Variants in CRACD observed in about 807,000 individuals in gnomAD.
CRACD encodes capping protein-inhibiting regulator of actin dynamics.
A neutral mutation model predicts 106.8 loss-of-function variants in CRACD; 56 were observed. That is an observed-to-expected ratio of 0.52 (90% confidence interval 0.42 to 0.66). The LOEUF is 0.66. CRACD is among the 30% of genes least tolerant of loss of function. CRACD has a pLI of 0.00. For synonymous variants in CRACD, 754 were observed against 670.8 expected (o/e 1.12, Z -1.92); for missense variants, 1,730 against 1,623.2 (o/e 1.07, Z -1.13).
chr4:56,204,392 G>A (rs531239687), intron 2 of CRACD, among the ~76,000 whole-genome samples: 29 of 152,308 alleles, frequency 1.9e-4, no homozygotes, highest in Admixed American at 1.7e-3. Context: ...AGGTCAAGGG[G>A]CCTGCATCTG....
chr4:56,095,682 T>G (rs1008351379), intron 1 of CRACD, among the ~76,000 whole-genome samples: 4 of 152,070 alleles, frequency 2.6e-5, no homozygotes, highest in Admixed American at 2.6e-4. Context: ...GTCCCTCATG[T>G]AAGGCCTTAT....
chr4:56,231,482 T>A (rs1739614256), intron 2 of CRACD, among the ~76,000 whole-genome samples: 1 of 152,206 alleles, frequency 6.6e-6, no homozygotes, highest in Non-Finnish European at 1.5e-5. Flanking sequence ...GCAGCTCCAC[T>A]CCTGTGAATA....
At chr4:56,084,674 A>G (rs1733155552) in intron 1 of CRACD, among the ~76,000 whole-genome samples, 1 of 152,210 alleles carries the variant, frequency 6.6e-6, no homozygotes, top group Admixed American at 6.5e-5. Context: ...AAAGACAGAT[A>G]AATTATCACT....
chr4:56,241,254 T>A (rs1740351488), intron 2 of CRACD, among the ~76,000 whole-genome samples: 1 of 152,042 alleles, frequency 6.6e-6, no homozygotes, highest in Admixed American at 6.5e-5. Flanking sequence ...AACCAAAGGG[T>A]CTTGAGTAAA....
intron 1 of CRACD, among the ~76,000 whole-genome samples, chr4:56,157,109 A>T (rs1418018114): frequency 6.6e-6 from 1 of 152,252 alleles, no homozygotes; most frequent in East Asian, 1.9e-4. Context: ...AGTATGGTAA[A>T]TATTGTATCA....
At chr4:56,266,922 G>A (rs1374623169) in intron 2 of CRACD, among the ~76,000 whole-genome samples, 4 of 152,098 alleles carry the variant, frequency 2.6e-5, no homozygotes, top group Non-Finnish European at 5.9e-5. Context: ...ATTATCAATT[G>A]GGGAATCAAA....
intron 2 of CRACD, among the ~76,000 whole-genome samples, chr4:56,258,299 T>G (rs1741494867): frequency 6.6e-6 from 1 of 152,156 alleles, no homozygotes; most frequent in African/African-American, 2.4e-5. Context: ...CTCCCCACTT[T>G]GAGTTGTCTG....
At chr4:56,086,583 T>C (rs2109814461) in intron 1 of CRACD, among the ~76,000 whole-genome samples, 1 of 152,270 alleles carries the variant, frequency 6.6e-6, no homozygotes. Flanking sequence ...TCACTTTCCC[T>C]TCACCTCTTC....
At chr4:56,061,630 G>A (rs1404449422) in intron 1 of CRACD, among the ~76,000 whole-genome samples, 1 of 152,044 alleles carries the variant, frequency 6.6e-6, no homozygotes, top group Non-Finnish European at 1.5e-5. Context: ...CATTCTGGTG[G>A]GAGAGAGAGA....
chr4:56,070,729 G>A (rs917086461), intron 1 of CRACD, among the ~76,000 whole-genome samples: 1 of 152,162 alleles, frequency 6.6e-6, no homozygotes, highest in African/African-American at 2.4e-5. Context: ...GCTCGGGGTG[G>A]TGATGGGGGG....
chr4:56,091,596 G>A (rs1425738189), intron 1 of CRACD, among the ~76,000 whole-genome samples: 2 of 152,166 alleles, frequency 1.3e-5, no homozygotes, highest in Non-Finnish European at 2.9e-5. Context: ...CTGTGGGAAA[G>A]TGAAAGGGAT....
rs529168077 is a variant in CRACD at position 56,329,920 on chromosome 4, G to A, written c.*2116G>A. ...ATCACTGTGCCCAAACAAAACAGGC[G>A]AAATACCTCAGTTAAAATTTTTCCA... On this transcript the variant is annotated 3_prime_UTR_variant, in exon 11 of 11. Transcript: ENST00000682029. Among the ~76,000 whole-genome samples, 94 of 152,240 alleles carry A rather than the reference G, an allele frequency of 6.2e-4. No individual in the cohort carries two copies. Among genetic ancestry groups the A allele is most frequent in the African/African-American group, 1.9e-3 (79 of 41,524 alleles).
chr4:56,057,814 G>GTTTTTTTTTTTTTTTTTTTTTTTTTT (rs1167413474), intron 1 of CRACD, among the ~76,000 whole-genome samples: 3 of 67,324 alleles, frequency 4.5e-5, no homozygotes, highest in Non-Finnish European at 5.4e-5. Flanking sequence ...TTTTTTTTTT[G>GTTTTTTTTTTTTTTTTTTTTTTTTTT]TTTTTTTTTT....
At chr4:56,070,173 T>A (rs1352918562) in intron 1 of CRACD, among the ~76,000 whole-genome samples, 1 of 152,162 alleles carries the variant, frequency 6.6e-6, no homozygotes, top group African/African-American at 2.4e-5. Context: ...CCCAGCACTC[T>A]CAGGTGTGAT....
chr4:56,320,982 T>C (rs1490093581), intron 8 of CRACD: 2 of 188,248 alleles, frequency 1.1e-5, no homozygotes, highest in Non-Finnish European at 2.3e-5. Flanking sequence ...CACTGCCACG[T>C]CTTGTGCTTC....
At chr4:56,214,447 C>T (rs770280037) in intron 2 of CRACD, among the ~76,000 whole-genome samples, 80 of 151,572 alleles carry the variant, frequency 5.3e-4, no homozygotes, top group Non-Finnish European at 1.0e-3. Context: ...CAAAAATTAG[C>T]TGGGTGTGGC....
chr4:56,123,375 T>TG (rs1734552255), intron 1 of CRACD, among the ~76,000 whole-genome samples: 1 of 152,236 alleles, frequency 6.6e-6, no homozygotes, highest in Non-Finnish European at 1.5e-5. Flanking sequence ...CTTCTTGGCT[T>TG]GCAGAAGGCT....
chr4:56,063,429 TC>T (rs1456813184), intron 1 of CRACD, among the ~76,000 whole-genome samples: 1 of 152,198 alleles, frequency 6.6e-6, no homozygotes, highest in East Asian at 1.9e-4. Context: ...AGTGGACAGT[TC>T]ATTGGCATTA....
chr4:56,099,187 C>T (rs1733701560), intron 1 of CRACD, among the ~76,000 whole-genome samples: 1 of 152,126 alleles, frequency 6.6e-6, no homozygotes, highest in Non-Finnish European at 1.5e-5. Flanking sequence ...ATTGTAGCTA[C>T]CTTCAGAGTC....
Sources: allele counts gnomAD v4.1 joint callset (sites outside exome capture counted in the v4.1 genomes callset), GRCh38; gene constraint gnomAD v4.1.1; transcripts MANE v1.5; gene names NCBI Gene and HGNC (gene_info 2026-07-23, HGNC 2026-07-21).